Variants in HNRNPC observed in about 807,000 individuals in gnomAD.
HNRNPC encodes heterogeneous nuclear ribonucleoproteins C1/C2.
A neutral mutation model predicts 33.2 loss-of-function variants in HNRNPC; 3 were observed. The ratio of observed to expected loss-of-function variants is 0.09; its 90% confidence interval spans 0.04 to 0.23. The LOEUF is 0.23. HNRNPC is among the 10% of genes least tolerant of loss of function. The pLI is 1.00. For synonymous variants in HNRNPC, 121 were observed against 126.7 expected (o/e 0.96, Z 0.30); for missense variants, 143 against 366.7 (o/e 0.39, Z 4.98).
intron 5 of HNRNPC, among the ~76,000 whole-genome samples, chr14:21,220,239 T>C (rs1393284025): frequency 1.8e-5 from 1 of 56,732 alleles, no homozygotes; most frequent in Non-Finnish European, 3.9e-5. Flanking sequence ...CTATTTCTGG[T>C]TTTTTTTTTT....
At chr14:21,266,340 C>A (rs1368042915) in intron 1 of HNRNPC, among the ~76,000 whole-genome samples, 2 of 151,964 alleles carry the variant, frequency 1.3e-5, no homozygotes, top group Non-Finnish European at 1.5e-5. Flanking sequence ...ACCTCGTGAT[C>A]CACCCGCCTC....
intron 5 of HNRNPC, among the ~76,000 whole-genome samples, chr14:21,214,922 G>A (rs927617512): frequency 1.3e-5 from 2 of 152,102 alleles, no homozygotes; most frequent in Non-Finnish European, 2.9e-5. Flanking sequence ...CAGTCCAATG[G>A]AAATAAATAT....
chr14:21,262,226 T>A (rs1878368189), intron 2 of HNRNPC, among the ~76,000 whole-genome samples: 1 of 152,126 alleles, frequency 6.6e-6, no homozygotes, highest in Non-Finnish European at 1.5e-5. Context: ...TAGAATATAA[T>A]CCAAAAATGT....
At chr14:21,233,906 GAA>G (rs752639827) in intron 3 of HNRNPC, 45 bp downstream of exon 3, 108 of 1,579,178 alleles carry the variant, frequency 6.8e-5, no homozygotes, top group Non-Finnish European at 9.1e-5. Flanking sequence ...AACGTGAATA[GAA>G]AAACTCAGGC....
In HNRNPC at chr14:21,252,342, A is replaced by C. The variant is rs527397942; in HGVS notation, c.-37+10969T>G. ...TGTTGTTGTTTTTGTTTTAAGTCTC[A>C]CAATATCACCCAGGCTGGAGTGCAG... On this transcript the variant is annotated intron_variant, in intron 2 of 8. Coordinates refer to ENST00000553300, the MANE Select transcript of HNRNPC (RefSeq NM_004500.4). Among the ~76,000 whole-genome samples the C allele has an allele frequency of 3.3e-5, 5 of 152,228 alleles. No individual in the cohort carries two copies. In the South Asian group the frequency reaches 1.0e-3, roughly 32 times the overall value.
intron 2 of HNRNPC, among the ~76,000 whole-genome samples, chr14:21,260,573 C>T (rs905716860): frequency 1.3e-5 from 2 of 151,830 alleles, no homozygotes; most frequent in African/African-American, 4.8e-5. Flanking sequence ...GATCCCAAAA[C>T]TTCAGGAGGC....
At chr14:21,254,895 C>G (rs968911060) in intron 2 of HNRNPC, among the ~76,000 whole-genome samples, 1 of 149,138 alleles carries the variant, frequency 6.7e-6, no homozygotes, top group Non-Finnish European at 1.5e-5. Context: ...GCACTCCAGC[C>G]TGGGCAACAG....
At chr14:21,219,447 C>T (rs1257453082) in intron 5 of HNRNPC, among the ~76,000 whole-genome samples, 6 of 152,136 alleles carry the variant, frequency 3.9e-5, no homozygotes, top group Non-Finnish European at 4.4e-5. Flanking sequence ...AGATTTCTGC[C>T]TTTAACAGTA....
chr14:21,221,172 G>C (rs1892789264), intron 5 of HNRNPC, among the ~76,000 whole-genome samples: 1 of 152,192 alleles, frequency 6.6e-6, no homozygotes, highest in Admixed American at 6.5e-5. Flanking sequence ...CCTGCTGTAA[G>C]GACATCACAA....
intron 2 of HNRNPC, among the ~76,000 whole-genome samples, chr14:21,251,260 CAA>C (rs71419116): frequency 5.9e-4 from 29 of 49,478 alleles, no homozygotes; most frequent in Admixed American, 1.3e-3. Context: ...GACTCCCTCT[CAA>C]AAAAAAAAAA....
intron 2 of HNRNPC, among the ~76,000 whole-genome samples, chr14:21,257,970 A>G (rs990277991): frequency 6.6e-5 from 10 of 152,214 alleles, no homozygotes; most frequent in African/African-American, 2.4e-4. Context: ...TTGCACATAT[A>G]CACATCTTTA....
chr14:21,226,877 T>C (rs1893500591), intron 5 of HNRNPC, among the ~76,000 whole-genome samples: 2 of 12,232 alleles, frequency 1.6e-4, no homozygotes, highest in East Asian at 0.014. Context: ...AGACTCCATC[T>C]CAAAAAAAAA....
rs558254671 is a variant in HNRNPC at position 21,215,044 on chromosome 14, G to A, written c.366-1927C>T. 5.9e-5 allele frequency among the ~76,000 whole-genome samples: 9 copies of A among 152,188 alleles called. No individual in the cohort carries two copies. The South Asian group carries it at 1.4e-3, about 25-fold the overall frequency. Reference sequence around the variant, plus strand: ...ATTTCTTTTTAAAACCTACTATTTCGTCTGACCACAGCCAAAATAAAGCAA... The same window carrying A: ...ATTTCTTTTTAAAACCTACTATTTCATCTGACCACAGCCAAAATAAAGCAA... On this transcript the variant is annotated intron_variant, in intron 5 of 8. Transcript: ENST00000553300.
At chr14:21,245,032 C>T (rs1895804528) in intron 2 of HNRNPC, among the ~76,000 whole-genome samples, 1 of 146,470 alleles carries the variant, frequency 6.8e-6, no homozygotes, top group African/African-American at 2.6e-5. Context: ...TAGCACTGAG[C>T]CAAGATCACA....
chr14:21,221,376 CTA>C, intron 5 of HNRNPC, among the ~76,000 whole-genome samples: 1 of 152,216 alleles, frequency 6.6e-6, no homozygotes, highest in Non-Finnish European at 1.5e-5. Context: ...CTATCCAATT[CTA>C]TAGTCACTAG....
chr14:21,268,534 T>C (rs1459840870), intron 1 of HNRNPC: 3 of 152,192 alleles, frequency 2.0e-5, no homozygotes, highest in East Asian at 1.9e-4. Context: ...GTCAAATTCC[T>C]TACTAGTGCT....
chr14:21,220,128 C>T (rs1457318975), intron 5 of HNRNPC, among the ~76,000 whole-genome samples: 1 of 152,180 alleles, frequency 6.6e-6, no homozygotes, highest in African/African-American at 2.4e-5. Flanking sequence ...CTTCACAAAG[C>T]CCTCTAATAG....
chr14:21,234,324 T>G lies in HNRNPC; in HGVS notation c.-36-95A>C, dbSNP rs1020014028. The G allele has an allele frequency of 2.9e-5, 33 of 1,145,242 alleles. No homozygotes were observed. In the Admixed American group the frequency reaches 3.6e-4, roughly 12 times the overall value. 70.9% of individuals were successfully genotyped at this position (1,145,242 alleles called of 1,614,324 possible). A position where few individuals can be genotyped will look rare whatever the true frequency, so the allele number is the denominator to read the frequency against. ...ACTCTCACTCTGAATCACTGTTAAC[T>G]GCCCAGAGTATTAGGCAACTTAAAG... On this transcript the variant is annotated intron_variant, in intron 2 of 8. Transcript: ENST00000553300.
chr14:21,257,533 G>T (rs944897321), intron 2 of HNRNPC, among the ~76,000 whole-genome samples: 3 of 150,924 alleles, frequency 2.0e-5, no homozygotes, highest in African/African-American at 7.3e-5. Context: ...TTTTCTAACT[G>T]AAGTTCACTT....
Sources: gnomAD v4.1 joint callset for allele counts (sites outside exome capture counted in the v4.1 genomes callset) on GRCh38, gnomAD v4.1.1 for gene constraint, MANE v1.5 for transcripts, NCBI Gene and HGNC (gene_info 2026-07-23, HGNC 2026-07-21) for gene names.